Variants in EPHB1 observed in about 807,000 individuals in gnomAD.
EPHB1 encodes the protein ephrin type-B receptor 1.
A neutral mutation model predicts 94.4 loss-of-function variants in EPHB1; 30 were observed. That is an observed-to-expected ratio of 0.32 (90% CI 0.24 to 0.43). The LOEUF is 0.43. EPHB1 is among the 20% of genes least tolerant of loss of function. EPHB1 has a pLI of 1.00. For synonymous variants in EPHB1, 522 were observed against 489.1 expected (o/e 1.07, Z -0.89); for missense variants, 1,055 against 1,308.3 (o/e 0.81, Z 2.99).
chr3:135,022,552 T>C (rs1315160798), intron 3 of EPHB1, among the ~76,000 whole-genome samples: 1 of 152,220 alleles, frequency 6.6e-6, no homozygotes. Context: ...TCTGTCCTTA[T>C]AATTGACCTC....
chr3:134,931,223 T>G (rs1362411111), intron 2 of EPHB1, among the ~76,000 whole-genome samples: 2 of 152,250 alleles, frequency 1.3e-5, no homozygotes, highest in African/African-American at 4.8e-5. Flanking sequence ...ATAAGCATAA[T>G]AAAGGGGACC....
chr3:135,256,164 C>G (rs1342145071), intron 15 of EPHB1, among the ~76,000 whole-genome samples: 7 of 151,924 alleles, frequency 4.6e-5, no homozygotes, highest in East Asian at 3.9e-4. Context: ...GGTCTTGACT[C>G]TTTATCCAAT....
At chr3:134,818,740 C>T (rs1277768623) in intron 1 of EPHB1, among the ~76,000 whole-genome samples, 2 of 152,222 alleles carry the variant, frequency 1.3e-5, no homozygotes. Context: ...ATCCTATATA[C>T]TATATATCTA....
intron 3 of EPHB1, among the ~76,000 whole-genome samples, chr3:135,043,529 C>T (rs1936912486): frequency 6.6e-6 from 1 of 152,086 alleles, no homozygotes; most frequent in Non-Finnish European, 1.5e-5. Flanking sequence ...CTCTTCCTCC[C>T]TATACCTTTC....
chr3:135,166,900 G>C, intron 8 of EPHB1, 42 bp from the exon 9 acceptor site: 1 of 1,609,476 alleles, frequency 6.2e-7, no homozygotes, highest in South Asian at 1.1e-5. Context: ...CAGACTGGTG[G>C]GTGTGCCCTG....
intron 5 of EPHB1, among the ~76,000 whole-genome samples, chr3:135,151,703 G>T (rs937518524): frequency 2.0e-5 from 3 of 152,172 alleles, no homozygotes; most frequent in African/African-American, 7.2e-5. Flanking sequence ...ATTAACCTGG[G>T]TTATAGATAC....
intron 1 of EPHB1, among the ~76,000 whole-genome samples, chr3:134,833,119 G>A (rs2036607928): frequency 6.6e-6 from 1 of 152,172 alleles, no homozygotes; most frequent in Non-Finnish European, 1.5e-5. Context: ...TCAACTTCAG[G>A]GATAATGTCC....
chr3:134,852,277 C>T (rs1056882197), intron 1 of EPHB1, among the ~76,000 whole-genome samples: 1 of 152,068 alleles, frequency 6.6e-6, no homozygotes, highest in Non-Finnish European at 1.5e-5. Context: ...CCCTGCCACT[C>T]CCACCCTGGC....
chr3:135,147,258 A>T (rs997636367), intron 5 of EPHB1, among the ~76,000 whole-genome samples: 1 of 152,208 alleles, frequency 6.6e-6, no homozygotes, highest in Non-Finnish European at 1.5e-5. Flanking sequence ...AGTTAGTCCA[A>T]GGATGATTTG....
chr3:135,179,760 G>C, intron 9 of EPHB1, 100 bp from the exon 10 acceptor site: 1 of 1,439,964 alleles, frequency 6.9e-7, no homozygotes. Flanking sequence ...GTGTAGGAGA[G>C]CTCCTCCCAG....
rs1173879004 is a variant in EPHB1, at chr3:135,106,610, G to T, written c.961+7G>T. 7.4e-6 allele frequency: 12 copies of T among 1,613,836 alleles called. No individual in the cohort carries two copies. Among genetic ancestry groups the T allele is most frequent in the Non-Finnish European group, 4.2e-6 (5 of 1,179,850 alleles). ...CCAGAAGTGGCATGCACTAGTAAGT[G>T]TCTAGTAATGGCTCTGGGCTGGGGA... On this transcript the variant is annotated splice_region_variant and intron_variant, in intron 4 of 15. Transcript: ENST00000398015.
At chr3:135,133,917 GA>G (rs1940519130) in intron 5 of EPHB1, among the ~76,000 whole-genome samples, 1 of 152,214 alleles carries the variant, frequency 6.6e-6, no homozygotes, top group East Asian at 1.9e-4. Context: ...CCACGCTGTG[GA>G]TTAGACACAG....
chr3:135,249,527 T>A (rs974831045), intron 15 of EPHB1, 36 bp downstream of exon 15: 1 of 1,594,268 alleles, frequency 6.3e-7, no homozygotes, highest in Non-Finnish European at 8.6e-7. Context: ...AGACCACACC[T>A]AGGGGTCAGT....
At chr3:135,059,386 G>A (rs977110179) in intron 3 of EPHB1, among the ~76,000 whole-genome samples, 5 of 152,144 alleles carry the variant, frequency 3.3e-5, no homozygotes, top group South Asian at 2.1e-4. Flanking sequence ...GGTCCCTGGC[G>A]GCTCACCCCA....
chr3:135,255,206 A>G (rs1272795097), intron 15 of EPHB1, among the ~76,000 whole-genome samples: 2 of 151,344 alleles, frequency 1.3e-5, no homozygotes, highest in East Asian at 3.9e-4. Flanking sequence ...TTATGTCTCT[A>G]TTTCCTTCAG....
At chr3:135,057,902 C>T (rs1937391311) in intron 3 of EPHB1, among the ~76,000 whole-genome samples, 1 of 152,184 alleles carries the variant, frequency 6.6e-6, no homozygotes, top group African/African-American at 2.4e-5. Context: ...CATTTTAGCT[C>T]CCTTAGTTTA....
At chr3:135,083,854 C>T (rs994859672) in intron 3 of EPHB1, among the ~76,000 whole-genome samples, 1 of 152,096 alleles carries the variant, frequency 6.6e-6, no homozygotes, top group Admixed American at 6.6e-5. Context: ...CCAAGCTGCC[C>T]AGAAACACAG....
intron 1 of EPHB1, among the ~76,000 whole-genome samples, chr3:134,893,585 C>T (rs2038028833): frequency 6.6e-6 from 1 of 152,176 alleles, no homozygotes; most frequent in African/African-American, 2.4e-5. Context: ...TGGACTTGCC[C>T]TTGCCTCTGT....
At chr3:134,856,591 A>G (rs1003428659) in intron 1 of EPHB1, among the ~76,000 whole-genome samples, 2 of 152,232 alleles carry the variant, frequency 1.3e-5, no homozygotes, top group African/African-American at 2.4e-5. Context: ...TTTACTCAGT[A>G]TGGTAGCCAC....
Sources: allele counts gnomAD v4.1 joint callset (sites outside exome capture counted in the v4.1 genomes callset), GRCh38; gene constraint gnomAD v4.1.1; transcripts MANE v1.5; gene names NCBI Gene and HGNC (gene_info 2026-07-23, HGNC 2026-07-21).